Variants in GYPE observed in about 807,000 individuals in gnomAD.
The protein encoded by GYPE is glycophorin-E.
GYPE carries 8 observed loss-of-function variants against 11.6 expected under a neutral mutation model. That is an observed-to-expected ratio of 0.69 (90% CI 0.41 to 1.25). The LOEUF (loss-of-function observed/expected upper bound fraction) is 1.25. Ranked by LOEUF, GYPE falls within the 50% of genes most tolerant of loss-of-function variation. The pLI, the probability that GYPE is intolerant of heterozygous loss-of-function variation, is 0.01. For synonymous variants in GYPE, 28 were observed against 29.6 expected (o/e 0.94, Z 0.18); for missense variants, 90 against 92.8 (o/e 0.97, Z 0.12).
chr4:143,881,190 CAAA>C (rs35536556), intron 1 of GYPE, among the ~76,000 whole-genome samples: 3 of 104,710 alleles, frequency 2.9e-5, no homozygotes, highest in Non-Finnish European at 4.1e-5. Flanking sequence ...GACTCCGTCT[CAAA>C]AAAAAAAAAA....
chr4:143,873,576 C>A (rs1743689552), intron 3 of GYPE: 3 of 406,488 alleles, frequency 7.4e-6, no homozygotes, highest in South Asian at 3.8e-5. Flanking sequence ...GCTCTGATAG[C>A]ATTTGACAAG....
chr4:143,878,424 C>G (rs1578954750), intron 2 of GYPE, among the ~76,000 whole-genome samples: 1 of 152,354 alleles, frequency 6.6e-6, no homozygotes, highest in South Asian at 2.1e-4. Flanking sequence ...GCATGAGCCA[C>G]TGCCCCTGGC....
chr4:143,903,756 G>A (rs1744955171), intron 1 of GYPE, among the ~76,000 whole-genome samples: 1 of 151,692 alleles, frequency 6.6e-6, no homozygotes, highest in Non-Finnish European at 1.5e-5. Context: ...TCTTTATTAA[G>A]TGCCATTTAA....
chr4:143,903,835 C>G (rs1193537192), intron 1 of GYPE, among the ~76,000 whole-genome samples: 5 of 151,988 alleles, frequency 3.3e-5, no homozygotes, highest in Non-Finnish European at 7.4e-5. Flanking sequence ...TTGCCAGGAA[C>G]CCTTTCCAAA....
intron 1 of GYPE, among the ~76,000 whole-genome samples, chr4:143,892,096 G>A (rs181065420): frequency 3.9e-4 from 59 of 152,194 alleles, no homozygotes; most frequent in South Asian, 3.3e-3. Flanking sequence ...GTTTATTTGC[G>A]TAGAGGTGTT....
intron 2 of GYPE, among the ~76,000 whole-genome samples, chr4:143,877,570 T>C (rs186980656): frequency 0.017 from 2,575 of 152,278 alleles, 87 homozygotes; most frequent in African/African-American, 0.059. Flanking sequence ...TTGAAGTAAA[T>C]AGAATGGAAG....
In GYPE at chr4:143,879,691, G is replaced by T. The variant is rs115162895; in HGVS notation, c.136+720C>A. Among the ~76,000 whole-genome samples, 412 of 152,242 alleles carry T rather than the reference G, an allele frequency of 2.7e-3. 2 individuals are homozygous for T. Among genetic ancestry groups the T allele is most frequent in the African/African-American group, 9.5e-3 (394 of 41,534 alleles). ...ACACTATGAGCTGGATATGTGTCCC[G>T]TTTGTGCTTATCTGCATATAAGAGA... On this transcript the variant is annotated intron_variant, in intron 2 of 3. Transcript: ENST00000358615.
chr4:143,873,208 C>G (rs975856064), intron 3 of GYPE: 5 of 258,074 alleles, frequency 1.9e-5, no homozygotes, highest in African/African-American at 1.1e-4. Flanking sequence ...GATGGGGATA[C>G]TTTAATCTGA....
chr4:143,903,837 CT>C (rs1744958468), intron 1 of GYPE, among the ~76,000 whole-genome samples: 1 of 151,880 alleles, frequency 6.6e-6, no homozygotes, highest in Non-Finnish European at 1.5e-5. Context: ...GCCAGGAACC[CT>C]TTCCAAATTT....
chr4:143,894,662 G>T (rs1744556796), intron 1 of GYPE, among the ~76,000 whole-genome samples: 1 of 152,158 alleles, frequency 6.6e-6, no homozygotes, highest in African/African-American at 2.4e-5. Flanking sequence ...TATGAGGCCA[G>T]CATCATCCTG....
intron 1 of GYPE, among the ~76,000 whole-genome samples, chr4:143,892,183 A>G (rs1297474975): frequency 6.6e-6 from 1 of 151,880 alleles, no homozygotes; most frequent in Non-Finnish European, 1.5e-5. Flanking sequence ...TATTGCATCT[A>G]TTTGATTCTT....
chr4:143,876,963 G>T, intron 2 of GYPE, 108 bp from the exon 3 acceptor site: 5 of 709,770 alleles, frequency 7.0e-6, no homozygotes, highest in Non-Finnish European at 7.8e-6. Context: ...CCTTTTAATA[G>T]AAAGTACAAT....
intron 1 of GYPE, among the ~76,000 whole-genome samples, chr4:143,900,332 A>C (rs1220662143): frequency 7.9e-6 from 1 of 127,296 alleles, no homozygotes; most frequent in Admixed American, 8.7e-5. Context: ...GGCACCTCAT[A>C]CACTCTGGTG....
intron 1 of GYPE, among the ~76,000 whole-genome samples, chr4:143,893,594 T>A (rs1350918307): frequency 6.6e-6 from 1 of 152,170 alleles, no homozygotes; most frequent in African/African-American, 2.4e-5. Flanking sequence ...GTATATGAAA[T>A]TCTGGATTGA....
intron 2 of GYPE, among the ~76,000 whole-genome samples, chr4:143,879,639 G>C (rs1253824886): frequency 1.3e-5 from 2 of 152,272 alleles, no homozygotes; most frequent in East Asian, 1.9e-4. Flanking sequence ...GTAAACAGTT[G>C]TAACAGAATT....
At chr4:143,896,767 AC>A (rs1169474768) in intron 1 of GYPE, among the ~76,000 whole-genome samples, 3 of 152,338 alleles carry the variant, frequency 2.0e-5, no homozygotes, top group Admixed American at 2.0e-4. Context: ...CAAATGTCCA[AC>A]AATGATAGAC....
chr4:143,879,732 C>T (rs57788706), intron 2 of GYPE, among the ~76,000 whole-genome samples: 36,843 of 151,808 alleles, frequency 0.24, 4,547 homozygotes, highest in East Asian at 0.36. Context: ...AGAAAGGGAA[C>T]AAGAATGAGG....
intron 1 of GYPE, among the ~76,000 whole-genome samples, chr4:143,881,555 T>C (rs1363424765): frequency 3.3e-5 from 5 of 152,132 alleles, no homozygotes; most frequent in Admixed American, 2.6e-4. Flanking sequence ...TAAATATATA[T>C]GAATATGTAT....
intron 3 of GYPE, among the ~76,000 whole-genome samples, chr4:143,872,862 C>A (rs1743664918): frequency 8.6e-6 from 1 of 116,066 alleles, no homozygotes; most frequent in Admixed American, 8.7e-5. Flanking sequence ...AACCAAATGA[C>A]AGGAGAGAGT....
Sources: allele counts gnomAD v4.1 joint callset (sites outside exome capture counted in the v4.1 genomes callset), GRCh38; gene constraint gnomAD v4.1.1; transcripts MANE v1.5; gene names NCBI Gene and HGNC (gene_info 2026-07-23, HGNC 2026-07-21).